LDB2: variants seen among roughly 807,000 people sequenced by gnomAD.
LDB2 encodes the protein LIM domain-binding protein 2.
LDB2 carries 12 observed loss-of-function variants against 44.3 expected under a neutral mutation model. The ratio of observed to expected loss-of-function variants is 0.27; its 90% CI spans 0.17 to 0.44. The LOEUF is 0.44. Among genes scored for constraint, LDB2 ranks in the 20% least tolerant of loss-of-function variants. The pLI is 1.00. For synonymous variants in LDB2, 164 were observed against 174.8 expected (o/e 0.94, Z 0.49); for missense variants, 344 against 473.5 (o/e 0.73, Z 2.54).
At position 16,654,341 on chromosome 4, in the gene LDB2, C is replaced by T. The variant is rs568452929; in HGVS notation, c.236-58466G>A. ...TCATTGCAAGCTGTGCTACCCCATCCGAATCATGGGAAATTTAGAGTAAGG... is the reference window on the plus strand; with the variant it reads ...TCATTGCAAGCTGTGCTACCCCATCTGAATCATGGGAAATTTAGAGTAAGG... On this transcript the variant is annotated intron_variant, in intron 2 of 7. Transcript: ENST00000304523. Among the ~76,000 whole-genome samples the T allele has an allele frequency of 4.1e-4, 63 of 152,062 alleles. 1 individual carries two copies. Among genetic ancestry groups the T allele is most frequent in the African/African-American group, 1.5e-3 (61 of 41,450 alleles).
intron 1 of LDB2, among the ~76,000 whole-genome samples, chr4:16,827,935 G>A (rs1783357658): frequency 1.3e-5 from 2 of 152,160 alleles, no homozygotes; most frequent in South Asian, 2.1e-4. Flanking sequence ...AGGAGCAGCT[G>A]GTTTTCTCCT....
At chr4:16,888,318 C>T (rs1007889981) in intron 1 of LDB2, among the ~76,000 whole-genome samples, 7 of 152,182 alleles carry the variant, frequency 4.6e-5, no homozygotes, top group African/African-American at 1.7e-4. Flanking sequence ...ATGGAGAAAA[C>T]ACCAATCACA....
At chr4:16,628,524 T>G (rs147926358) in intron 2 of LDB2, among the ~76,000 whole-genome samples, 29 of 152,250 alleles carry the variant, frequency 1.9e-4, no homozygotes, top group Admixed American at 8.5e-4. Flanking sequence ...CCTTCTCAAC[T>G]TTTTTTGCCT....
chr4:16,670,740 A>G (rs181344321), intron 2 of LDB2, among the ~76,000 whole-genome samples: 7 of 152,358 alleles, frequency 4.6e-5, no homozygotes, highest in Admixed American at 3.9e-4. Flanking sequence ...AATGGGCATA[A>G]TAATAGTACT....
At chr4:16,609,897 A>G (rs1416648780) in intron 2 of LDB2, among the ~76,000 whole-genome samples, 1 of 152,076 alleles carries the variant, frequency 6.6e-6, no homozygotes, top group African/African-American at 2.4e-5. Flanking sequence ...GTGCCACCCA[A>G]CTGGGTGAGA....
intron 5 of LDB2, among the ~76,000 whole-genome samples, chr4:16,568,546 C>T (rs1399075193): frequency 6.6e-6 from 1 of 152,124 alleles, no homozygotes; most frequent in African/African-American, 2.4e-5. Context: ...ACCCATTTTA[C>T]AGAAGAGTAA....
At chr4:16,538,729 C>T (rs1732712548) in intron 5 of LDB2, among the ~76,000 whole-genome samples, 1 of 152,174 alleles carries the variant, frequency 6.6e-6, no homozygotes, top group Non-Finnish European at 1.5e-5. Context: ...GTCAATTGAT[C>T]AGTCACTCAT....
At chr4:16,576,705 A>G (rs1161616510) in intron 5 of LDB2, among the ~76,000 whole-genome samples, 3 of 152,218 alleles carry the variant, frequency 2.0e-5, no homozygotes, top group Admixed American at 6.5e-5. Flanking sequence ...ATAGAGGAGG[A>G]GGGACTACTT....
At chr4:16,723,031 A>T (rs1758637868) in intron 2 of LDB2, among the ~76,000 whole-genome samples, 1 of 152,198 alleles carries the variant, frequency 6.6e-6, no homozygotes, top group South Asian at 2.1e-4. Context: ...TCAACTTATG[A>T]TGGGTTTTCC....
chr4:16,513,155 C>T (rs1361086056), intron 5 of LDB2, among the ~76,000 whole-genome samples: 2 of 152,124 alleles, frequency 1.3e-5, no homozygotes, highest in Admixed American at 1.3e-4. Context: ...TGAACATGTC[C>T]CTAGAGGCCA....
intron 2 of LDB2, among the ~76,000 whole-genome samples, chr4:16,697,266 TACACACACACACACACACAC>T (rs57040700): frequency 7.7e-6 from 1 of 130,682 alleles, no homozygotes; most frequent in Non-Finnish European, 1.6e-5. Flanking sequence ...CTACTAAAAA[TACACACACACACACACACAC>T]ACACACACAC....
intron 1 of LDB2, among the ~76,000 whole-genome samples, chr4:16,885,297 T>C (rs1178663461): frequency 6.6e-6 from 1 of 151,520 alleles, no homozygotes; most frequent in Non-Finnish European, 1.5e-5. Context: ...ATCACACCAC[T>C]GCACTCCAGC....
chr4:16,825,776 C>T (rs576977066), intron 1 of LDB2, among the ~76,000 whole-genome samples: 121 of 152,204 alleles, frequency 7.9e-4, no homozygotes, highest in Non-Finnish European at 1.5e-3. Flanking sequence ...GAGGTTGTTA[C>T]TGAACATAGG....
At chr4:16,841,605 T>A (rs1785907754) in intron 1 of LDB2, among the ~76,000 whole-genome samples, 1 of 152,184 alleles carries the variant, frequency 6.6e-6, no homozygotes, top group Non-Finnish European at 1.5e-5. Flanking sequence ...ACGTTGTGCA[T>A]TTTTTTCTAA....
chr4:16,532,370 G>A (rs1407342806), intron 5 of LDB2, among the ~76,000 whole-genome samples: 4 of 152,170 alleles, frequency 2.6e-5, no homozygotes, highest in Admixed American at 1.3e-4. Context: ...TAGACAAGAA[G>A]CACAGAGCCA....
At chr4:16,858,655 G>C (rs1197947227) in intron 1 of LDB2, among the ~76,000 whole-genome samples, 1 of 152,186 alleles carries the variant, frequency 6.6e-6, no homozygotes, top group Non-Finnish European at 1.5e-5. Flanking sequence ...AGGAACTCCG[G>C]GTAAGGTACA....
At chr4:16,808,415 T>A (rs1161106407) in intron 1 of LDB2, among the ~76,000 whole-genome samples, 2 of 152,216 alleles carry the variant, frequency 1.3e-5, no homozygotes, top group Non-Finnish European at 2.9e-5. Context: ...ATTTTAGTAA[T>A]GACCAGTGGA....
intron 1 of LDB2, chr4:16,888,844 T>C: frequency 2.6e-6 from 1 of 381,448 alleles, no homozygotes; most frequent in Non-Finnish European, 3.6e-6. Flanking sequence ...CTCAGAAAAT[T>C]TAAGAAACTT....
chr4:16,562,593 T>C (rs1577742315), intron 5 of LDB2, among the ~76,000 whole-genome samples: 1 of 152,256 alleles, frequency 6.6e-6, no homozygotes, highest in Non-Finnish European at 1.5e-5. Context: ...TGTGGACAAA[T>C]AGGAACACTT....
Sources: allele counts gnomAD v4.1 joint callset (sites outside exome capture counted in the v4.1 genomes callset), GRCh38; gene constraint gnomAD v4.1.1; transcripts MANE v1.5; gene names NCBI Gene and HGNC (gene_info 2026-07-23, HGNC 2026-07-21).